TMEM225B: variants seen among roughly 807,000 people sequenced by gnomAD.
TMEM225B encodes the protein transmembrane protein 225-like.
In TMEM225B, 10 loss-of-function variants were observed where a neutral mutation model predicts 16.9. That is an observed-to-expected ratio of 0.59 (90% CI 0.36 to 1.00). The LOEUF is 1.00. Among genes scored for constraint, TMEM225B ranks in the 50% least tolerant of loss-of-function variants. TMEM225B has a pLI of 0.01. For missense variants in TMEM225B, 217 were observed against 267.0 expected (o/e 0.81, Z 1.30); for synonymous variants, 92 against 109.8 (o/e 0.84, Z 1.01).
At chr7:99,606,722 C>A (rs1805843267) in intron 3 of TMEM225B, 26 bp from the exon 4 acceptor site, 9 of 1,534,726 alleles carry the variant, frequency 5.9e-6, no homozygotes, top group Non-Finnish European at 7.9e-6. Context: ...TTCCCAGCTT[C>A]AGCCCCACTT....
At chr7:99,603,669 G>A (rs1189416411) in intron 2 of TMEM225B, among the ~76,000 whole-genome samples, 3 of 150,792 alleles carry the variant, frequency 2.0e-5, no homozygotes, top group Admixed American at 6.6e-5. Flanking sequence ...TCCAGCCTGG[G>A]CTGACAACAG....
chr7:99,604,143 G>T (rs1028318557), intron 2 of TMEM225B, among the ~76,000 whole-genome samples: 2 of 152,120 alleles, frequency 1.3e-5, no homozygotes, highest in African/African-American at 4.8e-5. Flanking sequence ...CTCAGAGAGG[G>T]AACCTGACAT....
intron 2 of TMEM225B, among the ~76,000 whole-genome samples, chr7:99,602,611 T>C (rs1234007153): frequency 6.6e-6 from 1 of 152,122 alleles, no homozygotes; most frequent in East Asian, 1.9e-4. Context: ...TCTGAGCAAC[T>C]TCCCCAAGAT....
At position 99,607,791 on chromosome 7, in the gene TMEM225B, C is replaced by CT. The variant is rs1805951846; in HGVS notation, c.477dup (p.Leu160SerfsTer97). The CT allele has an allele frequency of 6.5e-7, 1 of 1,536,106 alleles. No individual in the cohort carries two copies. The highest frequency in any genetic ancestry group is 8.7e-7 in the Non-Finnish European group (1 of 1,146,884). On this transcript the variant is annotated frameshift_variant, in exon 5 of 6. Transcript: ENST00000431679. LOFTEE classifies it low-confidence loss of function (END_TRUNC). ...CTTACTACGTGCTGGGCTTCGGCATCTTTCTGTTCATAGTGGCTGGTGAGT... is the reference window on the plus strand; with the variant it reads ...CTTACTACGTGCTGGGCTTCGGCATCTTTTCTGTTCATAGTGGCTGGTGAGT...
chr7:99,606,638 A>G (rs1347668919), intron 3 of TMEM225B, 110 bp from the exon 4 acceptor site: 4 of 977,334 alleles, frequency 4.1e-6, no homozygotes, highest in South Asian at 1.7e-5. Context: ...ATGCTTTGGG[A>G]TCTAAGGGTG....
At chr7:99,607,636 G>T in intron 4 of TMEM225B, 37 bp from the exon 5 acceptor site, 1 of 1,520,712 alleles carries the variant, frequency 6.6e-7, no homozygotes, top group Non-Finnish European at 8.8e-7. Flanking sequence ...CGGGTAGCAT[G>T]GGAGGAGACC....
In TMEM225B at chr7:99,610,425, C is replaced by T. The variant is rs1273880062; in HGVS notation, c.526C>T (p.Pro176Ser). The T allele has an allele frequency of 6.5e-7, 1 of 1,535,930 alleles. No homozygotes were observed. The highest frequency in any genetic ancestry group is 8.7e-7 in the Non-Finnish European group (1 of 1,146,884). The change falls in exon 6 of 6, where the codon CCT becomes TCT. Residue 176 changes from proline (P) to serine (S), a missense_variant. Coordinates refer to ENST00000431679, the MANE Select transcript of TMEM225B (RefSeq NM_001195541.3). The stretch of plus-strand genomic sequence containing the variant: ...CTGCCTCATTCAAGAAATGGTTTGC[C>T]CTTGCTGGCACTTGTTGTCCACTTC... ...TICLIQEMVC[P>S]CWHLLSTSQS... is the part of the protein sequence containing the mutation.
At chr7:99,610,344 G>A (rs550177972) in intron 5 of TMEM225B, 49 bp from the exon 6 acceptor site, 3 of 1,469,556 alleles carry the variant, frequency 2.0e-6, no homozygotes, top group African/African-American at 1.4e-5. Flanking sequence ...TCTAGGGCGT[G>A]GAGCTCTGGA....
At chr7:99,608,858 T>TATATATATACAC (rs536627768) in intron 5 of TMEM225B, among the ~76,000 whole-genome samples, 12 of 144,388 alleles carry the variant, frequency 8.3e-5, no homozygotes, top group African/African-American at 3.4e-4. Flanking sequence ...TATATATATA[T>TATATATATACAC]ACACACACAC....
At position 99,607,009 on chromosome 7, in the gene TMEM225B, A is replaced by T. The variant is rs1458983520; in HGVS notation, c.355+115A>T. On this transcript the variant is annotated intron_variant, in intron 4 of 5. Coordinates refer to ENST00000431679, the MANE Select transcript of TMEM225B (RefSeq NM_001195541.3). ...AGAGGCATAATTTTTCTTTTTAGGG[A>T]CAGGGTCTCACTCTGTTACCCAGGC... is the stretch of plus-strand genomic sequence containing the variant. The T allele has an allele frequency of 4.4e-6, 5 of 1,147,512 alleles. No homozygotes were observed. The East Asian group carries it at 1.3e-4, about 30-fold the overall frequency. The allele number at this position is 1,147,512 out of a possible 1,614,324, so 71.1% of individuals were successfully genotyped here.
intron 5 of TMEM225B, among the ~76,000 whole-genome samples, chr7:99,608,988 G>A (rs1454635716): frequency 6.6e-6 from 1 of 151,726 alleles, no homozygotes; most frequent in Admixed American, 6.6e-5. Context: ...CCAACATGGC[G>A]AAAACCCATC....
intron 3 of TMEM225B, 146 bp from the exon 4 acceptor site, chr7:99,606,602 A>G (rs546653840): frequency 3.2e-6 from 2 of 625,408 alleles, no homozygotes; most frequent in African/African-American, 1.9e-5. Context: ...CCAAAGTGGC[A>G]TGGTCACAAC....
chr7:99,604,658 T>TG (rs1443634374), intron 3 of TMEM225B, 62 bp downstream of exon 3: 5 of 1,339,288 alleles, frequency 3.7e-6, no homozygotes, highest in African/African-American at 1.5e-5. Context: ...GGGACAGAGG[T>TG]GGGGGGTGAA....
chr7:99,606,008 GGT>G (rs1805778150), intron 3 of TMEM225B, among the ~76,000 whole-genome samples: 1 of 152,202 alleles, frequency 6.6e-6, no homozygotes, highest in African/African-American at 2.4e-5. Context: ...AACCAATACA[GGT>G]GTGATTCTTC....
upstream of TMEM225B, chr7:99,598,172 T>C (rs1471998196): frequency 6.6e-6 from 1 of 152,210 alleles, no homozygotes; most frequent in Non-Finnish European, 1.5e-5. Flanking sequence ...CCGCGTCTCC[T>C]CCGCAGAGCT....
chr7:99,608,021 G>A (rs111700385), intron 5 of TMEM225B, among the ~76,000 whole-genome samples: 1,627 of 152,310 alleles, frequency 0.011, 32 homozygotes, highest in African/African-American at 0.037. Flanking sequence ...TCGGGAGGCC[G>A]AGATGGGTGG....
rs10264022 is a variant in TMEM225B at position 99,610,679 on chromosome 7, G to A, written c.*114G>A. ...TCTGTGCCTTTGAGGAGCTTCTTGC[G>A]TGTCAGATCAACTCTCCACCTCCCC... On this transcript the variant is annotated 3_prime_UTR_variant, in exon 6 of 6. Coordinates refer to ENST00000431679, the MANE Select transcript of TMEM225B (RefSeq NM_001195541.3). 0.013 allele frequency: 11,301 copies of A among 840,458 alleles called. 890 individuals are homozygous for A. In the African/African-American group the frequency reaches 0.17, roughly 13 times the overall value. The allele number at this position is 840,458 out of a possible 1,614,324, so 52.1% of individuals were successfully genotyped here.
chr7:99,610,183 T>C (rs1318486854), intron 5 of TMEM225B, among the ~76,000 whole-genome samples: 1 of 152,202 alleles, frequency 6.6e-6, no homozygotes, highest in Non-Finnish European at 1.5e-5. Flanking sequence ...TGCTGAGATG[T>C]CTTCTAGGTG....
At chr7:99,608,858 T>TATATATATATATACAC (rs536627768) in intron 5 of TMEM225B, among the ~76,000 whole-genome samples, 69 of 144,432 alleles carry the variant, frequency 4.8e-4, no homozygotes, top group African/African-American at 1.7e-3. Context: ...TATATATATA[T>TATATATATATATACAC]ACACACACAC....
Sources: allele counts gnomAD v4.1 joint callset (sites outside exome capture counted in the v4.1 genomes callset), GRCh38; gene constraint gnomAD v4.1.1; transcripts MANE v1.5; gene names NCBI Gene and HGNC (gene_info 2026-07-23, HGNC 2026-07-21).